The following PIK3CA variants were observed in gnomAD, a reference collection of about 807,000 sequenced individuals.
The protein encoded by PIK3CA is phosphatidylinositol 4,5-bisphosphate 3-kinase catalytic subunit alpha isoform.
PIK3CA carries 27 observed loss-of-function variants against 138.2 expected under a neutral mutation model. The observed-to-expected ratio is 0.20, with a 90% CI of 0.14 to 0.27. The LOEUF (loss-of-function observed/expected upper bound fraction) is 0.27. PIK3CA is among the 10% of genes least tolerant of loss of function. The pLI is 1.00. For synonymous variants in PIK3CA, 358 were observed against 413.2 expected (o/e 0.87, Z 1.62); for missense variants, 544 against 1,277.4 (o/e 0.43, Z 8.75).
intron 1 of PIK3CA, among the ~76,000 whole-genome samples, chr3:179,186,130 AG>A (rs1468830547): frequency 1.3e-5 from 2 of 152,226 alleles, no homozygotes; most frequent in East Asian, 3.9e-4. Context: ...ATTAGCATAC[AG>A]AAAGACCCTT....
chr3:179,194,733 A>G (rs1724221629), intron 1 of PIK3CA, among the ~76,000 whole-genome samples: 1 of 152,108 alleles, frequency 6.6e-6, no homozygotes, highest in African/African-American at 2.4e-5. Context: ...TCTTGTGGCA[A>G]CCTAGAACAC....
At chr3:179,173,919 G>T (rs1039567294) in intron 1 of PIK3CA, among the ~76,000 whole-genome samples, 7 of 151,578 alleles carry the variant, frequency 4.6e-5, no homozygotes, top group Non-Finnish European at 1.0e-4. Context: ...GTAGAGACAG[G>T]GTTTCGCTAT....
intron 1 of PIK3CA, among the ~76,000 whole-genome samples, chr3:179,163,697 T>C (rs2108356823): frequency 6.6e-6 from 1 of 152,272 alleles, no homozygotes. Context: ...GTTGGGCTCA[T>C]TTACTAAAGA....
intron 9 of PIK3CA, among the ~76,000 whole-genome samples, chr3:179,217,184 C>G (rs553225121): frequency 5.6e-4 from 85 of 152,056 alleles, no homozygotes; most frequent in Non-Finnish European, 1.1e-3. Context: ...ATAGTCTTTC[C>G]CAAATCTTAG....
At chr3:179,208,148 T>C (rs1724617345) in intron 6 of PIK3CA, among the ~76,000 whole-genome samples, 1 of 152,202 alleles carries the variant, frequency 6.6e-6, no homozygotes, top group African/African-American at 2.4e-5. Flanking sequence ...GTCTTGTTTC[T>C]ATAAATAGAC....
intron 1 of PIK3CA, among the ~76,000 whole-genome samples, chr3:179,153,217 T>G (rs981127317): frequency 1.3e-5 from 2 of 152,210 alleles, no homozygotes; most frequent in African/African-American, 4.8e-5. Context: ...GTTACAGATA[T>G]CAGCAGACTG....
At chr3:179,174,345 CCTGTAATCCCAGCTCT>C (rs72233732) in intron 1 of PIK3CA, among the ~76,000 whole-genome samples, 37,024 of 151,712 alleles carry the variant, frequency 0.24, 5,536 homozygotes, top group African/African-American at 0.42. Flanking sequence ...GTGGCAAGCA[CCTGTAATCCCAGCTCT>C]CGGGAGGCTA....
chr3:179,187,747 C>T (rs894165435), intron 1 of PIK3CA, among the ~76,000 whole-genome samples: 2 of 151,368 alleles, frequency 1.3e-5, no homozygotes, highest in Non-Finnish European at 2.9e-5. Context: ...AAGCTATTCT[C>T]CTGCCTCAGT....
At chr3:179,153,526 A>G (rs1287937205) in intron 1 of PIK3CA, among the ~76,000 whole-genome samples, 5 of 152,200 alleles carry the variant, frequency 3.3e-5, no homozygotes, top group Non-Finnish European at 7.3e-5. Context: ...GTATTAAATT[A>G]CCTTCAACCT....
chr3:179,156,813 T>G (rs886782585), intron 1 of PIK3CA, among the ~76,000 whole-genome samples: 1 of 152,218 alleles, frequency 6.6e-6, no homozygotes, highest in Admixed American at 6.5e-5. Context: ...GAGTTCTTGC[T>G]TTTCCAAGTT....
chr3:179,211,976 A>G (rs912053946), intron 9 of PIK3CA, among the ~76,000 whole-genome samples: 2 of 152,064 alleles, frequency 1.3e-5, no homozygotes, highest in Non-Finnish European at 2.9e-5. Context: ...CAGACAGACA[A>G]CTAATCTTGT....
At chr3:179,213,310 ACTGTCATCTGTAAAGTGTGTAATAGT>A (rs979313276) in intron 9 of PIK3CA, among the ~76,000 whole-genome samples, 2 of 152,204 alleles carry the variant, frequency 1.3e-5, no homozygotes, top group Admixed American at 6.5e-5. Context: ...TTCACATTAT[ACTGTCATCTGTAAAGTGTGTAATAGT>A]CTGTCATCTG....
In PIK3CA at chr3:179,237,658, A is replaced by T. The variant is rs1725357531; in HGVS notation, c.*3294A>T. ...CAAAAATCGAGTGATTTGGAATTAT[A>T]AAAAAATTGTGAGCAGCCTATTTGA... On this transcript the variant is annotated 3_prime_UTR_variant, in exon 21 of 21. Transcript: ENST00000263967. 4.8e-6 allele frequency: 1 copy of T among 208,222 alleles called. No individual in the cohort carries two copies. Among genetic ancestry groups the T allele is most frequent in the Admixed American group, 5.9e-5 (1 of 16,864 alleles). The allele number at this position is 208,222 out of a possible 1,614,324, so 12.9% of individuals were successfully genotyped here. A position where few individuals can be genotyped will look rare whatever the true frequency, so the allele number is the denominator to read the frequency against.
Position 179,220,064 on chromosome 3 carries a change from T to C in PIK3CA, c.2015+12T>C. ...TTTTGGCATTTAAAGTAAGTCTAAT[T>C]ATTTTCCCATTAAATTCTTAAGGTA... is the stretch of plus-strand genomic sequence containing the variant. On this transcript the variant is annotated intron_variant, in intron 13 of 20. Coordinates refer to ENST00000263967, the MANE Select transcript of PIK3CA (RefSeq NM_006218.4). The surrounding 1 kb of genome is among the most constrained non-coding windows in gnomAD (Gnocchi z 4.1). 2 of 1,537,930 alleles carry C rather than the reference T, an allele frequency of 1.3e-6. No individual in the cohort carries two copies. Among genetic ancestry groups the C allele is most frequent in the South Asian group, 2.4e-5 (2 of 82,014 alleles).
chr3:179,201,170 T>A (rs1207930500), intron 3 of PIK3CA, 120 bp from the exon 4 acceptor site: 3 of 805,594 alleles, frequency 3.7e-6, no homozygotes, highest in Non-Finnish European at 6.0e-6. Context: ...TAGTTTTAAT[T>A]GGGCTGATTA....
At chr3:179,209,510 T>C in intron 6 of PIK3CA, 85 bp from the exon 7 acceptor site, 2 of 722,064 alleles carry the variant, frequency 2.8e-6, no homozygotes, top group South Asian at 5.2e-5. Context: ...GGTTGATCTT[T>C]GTCTTCGTGA....
chr3:179,229,910 T>G (rs961854354), intron 18 of PIK3CA, 94 bp from the exon 19 acceptor site: 3 of 720,616 alleles, frequency 4.2e-6, no homozygotes, highest in African/African-American at 1.8e-5. Context: ...TTGTTTTCAT[T>G]GTTTAAATGG....
chr3:179,199,538 T>C (rs1471225694), intron 2 of PIK3CA, 152 bp from the exon 3 acceptor site: 5 of 534,316 alleles, frequency 9.4e-6, no homozygotes, highest in Non-Finnish European at 1.6e-5. Context: ...TTTTAATATA[T>C]ATGCATTCAT....
intron 1 of PIK3CA, among the ~76,000 whole-genome samples, chr3:179,194,438 C>T (rs766014759): frequency 6.6e-6 from 1 of 152,036 alleles, no homozygotes; most frequent in Non-Finnish European, 1.5e-5. Context: ...AGGCTGGTCT[C>T]GAACTCCTCA....
Sources: allele counts gnomAD v4.1 joint callset (sites outside exome capture counted in the v4.1 genomes callset), GRCh38; gene constraint gnomAD v4.1.1; non-coding constraint Gnocchi (gnomAD v3.1); transcripts MANE v1.5; gene names NCBI Gene and HGNC (gene_info 2026-07-23, HGNC 2026-07-21).